NUMA1: variants seen among roughly 807,000 people sequenced by gnomAD.
NUMA1 encodes the protein nuclear mitotic apparatus protein 1, also known as SP-H antigen.
In NUMA1, 62 loss-of-function variants were observed where a neutral mutation model predicts 237.1. The observed-to-expected ratio is 0.26, with a 90% CI of 0.21 to 0.32. The LOEUF is 0.32. Among genes scored for constraint, NUMA1 ranks in the 10% least tolerant of loss-of-function variants. The probability of loss-of-function intolerance (pLI) is 1.00; values close to 1 mark genes in which losing one functional copy is unlikely to be tolerated. For missense variants in NUMA1, 2,533 were observed against 2,666.5 expected, an observed-to-expected ratio of 0.95 and a Z score of 1.10; for synonymous variants, 1,028 against 1,066.1, an observed-to-expected ratio of 0.96 and a Z score of 0.70.
In NUMA1 at chr11:72,033,198, G is replaced by A. The variant is rs115211519; in HGVS notation, c.42+2704C>T. ...ACAGGCTCTTGCTATGTTATAGGTTGGAGTGCAGCAGCTATTTACAGATGC... is the reference window on the plus strand; with the variant it reads ...ACAGGCTCTTGCTATGTTATAGGTTAGAGTGCAGCAGCTATTTACAGATGC... On this transcript the variant is annotated intron_variant, in intron 3 of 26. Coordinates refer to ENST00000393695, the MANE Select transcript of NUMA1 (RefSeq NM_006185.4). 9.0e-3 allele frequency among the ~76,000 whole-genome samples: 1,364 copies of A among 152,002 alleles called. 15 individuals are homozygous for A. Among genetic ancestry groups the A allele is most frequent in the African/African-American group, 0.031 (1,303 of 41,442 alleles).
chr11:72,077,974 A>G (rs1426292567), intron 1 of NUMA1, among the ~76,000 whole-genome samples: 1 of 152,214 alleles, frequency 6.6e-6, no homozygotes, highest in South Asian at 2.1e-4. Context: ...ATAGTGAAAA[A>G]GCAAACAGTA....
intron 2 of NUMA1, among the ~76,000 whole-genome samples, chr11:72,060,338 A>C (rs1165311302): frequency 6.6e-6 from 1 of 152,200 alleles, no homozygotes; most frequent in South Asian, 2.1e-4. Flanking sequence ...CTGGGGTCTA[A>C]ACAGAAACAA....
At chr11:72,033,382 T>G (rs541107993) in intron 3 of NUMA1, among the ~76,000 whole-genome samples, 3,999 of 78,516 alleles carry the variant, frequency 0.051, 88 homozygotes, top group Non-Finnish European at 0.074. Flanking sequence ...TTTTTTTTTT[T>G]TTTTTTTGAC....
intron 1 of NUMA1, among the ~76,000 whole-genome samples, chr11:72,070,524 C>T (rs1384971760): frequency 6.6e-6 from 1 of 152,134 alleles, no homozygotes; most frequent in Non-Finnish European, 1.5e-5. Context: ...ACAAATTATC[C>T]AGGCAAGGCC....
chr11:72,024,723 G>A (rs149121132), intron 4 of NUMA1: 2 of 219,060 alleles, frequency 9.1e-6, no homozygotes, highest in South Asian at 6.4e-5. Flanking sequence ...AGGAAGCCTG[G>A]AGAACACACC....
In NUMA1 at chr11:72,076,901, TAC is replaced by T. The variant is rs1943735838; in HGVS notation, c.-103+3555_-103+3556del. 4 of 151,950 alleles carry T rather than the reference TAC, an allele frequency of 2.6e-5. No homozygotes were observed. In the South Asian group the frequency reaches 8.3e-4, roughly 31 times the overall value. The allele number at this position is 151,950 out of a possible 1,614,324, so 9.4% of individuals were successfully genotyped here. ...AAAACTCAACTTTCTTGAAAATTAT[TAC>T]AGACACAAAATTGAAAACATGAGAC... is the stretch of plus-strand genomic sequence containing the variant. On this transcript the variant is annotated intron_variant, in intron 1 of 26. Transcript: ENST00000393695.
intron 1 of NUMA1, among the ~76,000 whole-genome samples, chr11:72,078,199 T>C (rs1943804861): frequency 2.6e-5 from 4 of 152,184 alleles, no homozygotes. Context: ...TCAATTAGAA[T>C]TGTTCAGCTT....
At chr11:72,076,585 A>G (rs1943719518) in intron 1 of NUMA1, 1 of 152,210 alleles carries the variant, frequency 6.6e-6, no homozygotes, top group East Asian at 1.9e-4. Context: ...TGGCAGTTCA[A>G]GATCAGCCTG....
intron 3 of NUMA1, among the ~76,000 whole-genome samples, chr11:72,029,606 G>C (rs983560826): frequency 1.3e-5 from 2 of 152,226 alleles, no homozygotes; most frequent in Non-Finnish European, 2.9e-5. Context: ...CTTCTAAAGA[G>C]AGGAACTTGA....
rs374970264 is a variant in NUMA1 at position 72,008,812 on chromosome 11, C to A, written c.5092G>T (p.Gly1698Cys). ...AHADQQLRDL[G>C]KFQVATDALK... ...GCATCAGTTGCCACCTGGAATTTGC[C>A]CAGGTCTCGAAGCTGCTGGTCTGCA... The change falls in exon 20 of 27, where the codon GGC becomes TGC. Residue 1698 changes from glycine to cysteine, a missense_variant. Around this residue, in one of 3 missense-constraint regions of NUMA1, gnomAD observed 795 missense variants for 750.8 expected, o/e 1.06. Transcript: ENST00000393695. 6 of 1,613,986 alleles carry A rather than the reference C, an allele frequency of 3.7e-6. No homozygotes were observed. The highest frequency in any genetic ancestry group is 5.1e-6 in the Non-Finnish European group (6 of 1,180,042).
At chr11:72,040,375 A>G (rs1260883530) in intron 2 of NUMA1, among the ~76,000 whole-genome samples, 1 of 151,916 alleles carries the variant, frequency 6.6e-6, no homozygotes, top group Non-Finnish European at 1.5e-5. Context: ...ATGATGGCAA[A>G]AGAGCTGCAA....
At chr11:72,028,875 G>A (rs1315369208) in intron 4 of NUMA1, among the ~76,000 whole-genome samples, 1 of 152,244 alleles carries the variant, frequency 6.6e-6, no homozygotes, top group Non-Finnish European at 1.5e-5. Context: ...AAGGAGGGTT[G>A]TAGAAGCCTT....
intron 2 of NUMA1, chr11:72,068,535 C>T (rs763224645): frequency 4.0e-4 from 61 of 152,242 alleles, no homozygotes; most frequent in Non-Finnish European, 7.3e-4. Flanking sequence ...GCAGGAGAAT[C>T]GCTTGAACCC....
intron 2 of NUMA1, among the ~76,000 whole-genome samples, chr11:72,053,564 C>G (rs545592776): frequency 1.3e-5 from 2 of 152,348 alleles, no homozygotes; most frequent in South Asian, 4.1e-4. Context: ...GACTTGTTCC[C>G]TCTGCTTCCC....
chr11:72,072,917 C>T (rs557998091), intron 1 of NUMA1, among the ~76,000 whole-genome samples: 347 of 152,048 alleles, frequency 2.3e-3, no homozygotes, highest in Non-Finnish European at 4.0e-3. Context: ...TGGCGGGTGC[C>T]TGTAGTCCCA....
chr11:72,056,167 TA>T (rs1214275550), intron 2 of NUMA1, among the ~76,000 whole-genome samples: 1 of 149,558 alleles, frequency 6.7e-6, no homozygotes, highest in East Asian at 2.0e-4. Context: ...CAACAACAAA[TA>T]AAAAAAAATT....
chr11:72,046,885 G>A (rs1231050006), intron 2 of NUMA1, among the ~76,000 whole-genome samples: 1 of 151,064 alleles, frequency 6.6e-6, no homozygotes, highest in South Asian at 2.1e-4. Context: ...ACTTGAATCC[G>A]GGAGGCGGAG....
chr11:72,005,921 A>ATGG (rs1463051582), intron 22 of NUMA1, 114 bp downstream of exon 22: 13 of 859,142 alleles, frequency 1.5e-5, no homozygotes, highest in Non-Finnish European at 2.4e-5. Context: ...GTGGAGCTGG[A>ATGG]TGGTAGCAAG....
chr11:72,003,569 A>G (rs1287020444), intron 26 of NUMA1, 31 bp from the exon 27 acceptor site: 6 of 1,614,008 alleles, frequency 3.7e-6, no homozygotes, highest in Non-Finnish European at 4.2e-6. Context: ...TGGCCAGATG[A>G]GAACTTGCGA....
Sources: gnomAD v4.1 joint callset for allele counts (sites outside exome capture counted in the v4.1 genomes callset) on GRCh38, gnomAD v4.1.1 for gene constraint, gnomAD v4.1.1 regional missense constraint, MANE v1.5 for transcripts, NCBI Gene and HGNC (gene_info 2026-07-23, HGNC 2026-07-21) for gene names.